Variants in FOXP1 observed in about 807,000 individuals in gnomAD.
The protein encoded by FOXP1 is forkhead box protein P1.
FOXP1 carries 15 observed loss-of-function variants against 98.2 expected under a neutral mutation model. That is an observed-to-expected ratio of 0.15 (90% CI 0.10 to 0.24). FOXP1 has a LOEUF of 0.24. FOXP1 is among the 10% of genes least tolerant of loss of function. The probability of loss-of-function intolerance (pLI) is 1.00; values close to 1 mark genes in which losing one functional copy is unlikely to be tolerated. For synonymous variants in FOXP1, 371 were observed against 314.5 expected, an observed-to-expected ratio of 1.18 and a Z score of -1.90; for missense variants, 633 against 848.5, an observed-to-expected ratio of 0.75 and a Z score of 3.15.
At chr3:71,044,646 G>A (rs1487846418) in intron 10 of FOXP1, among the ~76,000 whole-genome samples, 1 of 152,216 alleles carries the variant, frequency 6.6e-6, no homozygotes, top group South Asian at 2.1e-4. Flanking sequence ...ATTTCATTAT[G>A]AAGTGGGCAT....
At chr3:71,513,907 TC>T (rs1439093497) in intron 2 of FOXP1, among the ~76,000 whole-genome samples, 1 of 152,228 alleles carries the variant, frequency 6.6e-6, no homozygotes, top group East Asian at 1.9e-4. Context: ...GCTTGCCAGC[TC>T]CCCTAAGCTG....
At chr3:71,174,782 G>GCACACACACACA (rs1447733301) in intron 6 of FOXP1, among the ~76,000 whole-genome samples, 1 of 73,206 alleles carries the variant, frequency 1.4e-5, no homozygotes, top group Non-Finnish European at 2.9e-5. Flanking sequence ...GTATGCACAT[G>GCACACACACACA]CATACACACA....
intron 3 of FOXP1, among the ~76,000 whole-genome samples, chr3:71,458,576 G>A (rs2087720376): frequency 6.6e-6 from 1 of 152,142 alleles, no homozygotes; most frequent in Non-Finnish European, 1.5e-5. Context: ...ATAGGTATGT[G>A]AGCAAAATAA....
At chr3:71,326,461 T>C (rs2075697455) in intron 4 of FOXP1, among the ~76,000 whole-genome samples, 3 of 152,170 alleles carry the variant, frequency 2.0e-5, no homozygotes, top group Admixed American at 2.0e-4. Flanking sequence ...AAACTCCTGG[T>C]GACAACTTGA....
At chr3:71,475,903 G>A (rs1168875557) in intron 3 of FOXP1, among the ~76,000 whole-genome samples, 18 of 135,598 alleles carry the variant, frequency 1.3e-4, no homozygotes, top group Admixed American at 9.5e-4. Flanking sequence ...CTCTTCAAGG[G>A]AAAAAAAAAA....
chr3:71,046,824 A>G, intron 10 of FOXP1, 118 bp downstream of exon 10: 2 of 1,241,592 alleles, frequency 1.6e-6, no homozygotes, highest in East Asian at 2.3e-5. Flanking sequence ...ACTTTTCTTA[A>G]AAGAATCTAT....
intron 5 of FOXP1, among the ~76,000 whole-genome samples, chr3:71,259,632 T>A (rs2068928315): frequency 6.6e-6 from 1 of 152,140 alleles, no homozygotes; most frequent in Non-Finnish European, 1.5e-5. Context: ...CTAGATGGTT[T>A]GTGATGAGTA....
chr3:71,105,605 CCT>C (rs777800741), intron 7 of FOXP1, among the ~76,000 whole-genome samples: 13 of 152,228 alleles, frequency 8.5e-5, no homozygotes, highest in Non-Finnish European at 1.5e-4. Flanking sequence ...ATGTTTTTCC[CCT>C]GTCCCTCTCC....
At position 71,264,598 on chromosome 3, in the gene FOXP1, T is replaced by C. The variant is rs535088284; in HGVS notation, c.-12+35222A>G. 2.0e-5 allele frequency among the ~76,000 whole-genome samples: 3 copies of C among 152,258 alleles called. No individual in the cohort carries two copies. In the South Asian group the frequency reaches 6.2e-4, roughly 32 times the overall value. ...CCTAATTGCTTTATCACCTATCCTATCCTCCCTGGCTGGTTTGCTGAGCAC... is the reference window on the plus strand; with the variant it reads ...CCTAATTGCTTTATCACCTATCCTACCCTCCCTGGCTGGTTTGCTGAGCAC... On this transcript the variant is annotated intron_variant, in intron 5 of 20. Coordinates refer to ENST00000649528, the MANE Select transcript of FOXP1 (RefSeq NM_001349338.3).
intron 4 of FOXP1, among the ~76,000 whole-genome samples, chr3:71,305,441 G>A (rs1002894149): frequency 6.6e-6 from 1 of 152,130 alleles, no homozygotes; most frequent in African/African-American, 2.4e-5. Flanking sequence ...GATTTCCACA[G>A]AAGAAAACCT....
intron 2 of FOXP1, among the ~76,000 whole-genome samples, chr3:71,517,545 T>C (rs1339212014): frequency 6.6e-6 from 1 of 152,224 alleles, no homozygotes; most frequent in African/African-American, 2.4e-5. Flanking sequence ...ACTTGACCAA[T>C]CAACTCGAGA....
chr3:71,185,433 T>C (rs1205643418), intron 6 of FOXP1, among the ~76,000 whole-genome samples: 2 of 152,242 alleles, frequency 1.3e-5, no homozygotes, highest in African/African-American at 2.4e-5. Flanking sequence ...TTAGGTATTA[T>C]GGTTTCAGTT....
At chr3:71,090,732 G>A (rs552602416) in intron 7 of FOXP1, among the ~76,000 whole-genome samples, 11 of 152,278 alleles carry the variant, frequency 7.2e-5, no homozygotes, top group Admixed American at 2.0e-4. Context: ...CAGTTGCACT[G>A]CCATTACAGG....
At chr3:71,436,512 C>T (rs1360009487) in intron 3 of FOXP1, among the ~76,000 whole-genome samples, 4 of 152,058 alleles carry the variant, frequency 2.6e-5, no homozygotes, top group Non-Finnish European at 5.9e-5. Flanking sequence ...ACATGACTCA[C>T]TCTCATAAAA....
chr3:71,150,754 A>G (rs1460410680), intron 6 of FOXP1, among the ~76,000 whole-genome samples: 2 of 152,198 alleles, frequency 1.3e-5, no homozygotes, highest in Non-Finnish European at 2.9e-5. Flanking sequence ...ATGAATCTTT[A>G]CCGCAAGCAG....
At chr3:71,492,843 G>C (rs575577663) in intron 3 of FOXP1, among the ~76,000 whole-genome samples, 1 of 152,162 alleles carries the variant, frequency 6.6e-6, no homozygotes, top group Non-Finnish European at 1.5e-5. Flanking sequence ...AACACACTTA[G>C]AGAAAAATAT....
At chr3:70,961,222 G>A (rs72960062) in intron 20 of FOXP1, among the ~76,000 whole-genome samples, 1 of 151,330 alleles carries the variant, frequency 6.6e-6, no homozygotes, top group African/African-American at 2.4e-5. Context: ...TGGCTCTCCA[G>A]CTATTTTATT....
chr3:71,273,202 G>C (rs568934282), intron 5 of FOXP1, among the ~76,000 whole-genome samples: 9 of 152,310 alleles, frequency 5.9e-5, no homozygotes, highest in African/African-American at 2.2e-4. Context: ...AATCAGTTCT[G>C]TGTGAATTCA....
chr3:71,575,198 A>C (rs1311117177), intron 2 of FOXP1, among the ~76,000 whole-genome samples: 1 of 152,210 alleles, frequency 6.6e-6, no homozygotes, highest in Admixed American at 6.5e-5. Context: ...ACCGTTTTTC[A>C]TTCGTAATAA....
Sources: allele counts gnomAD v4.1 joint callset (sites outside exome capture counted in the v4.1 genomes callset), GRCh38; gene constraint gnomAD v4.1.1; transcripts MANE v1.5; gene names NCBI Gene and HGNC (gene_info 2026-07-23, HGNC 2026-07-21).